The following ZNF892 variants were observed in gnomAD, a reference collection of about 807,000 sequenced individuals.
ZNF892 encodes zinc finger protein 570-like.
At chr2:95,249,699 C>T in the ZNF892 span, among the ~76,000 whole-genome samples, 1 of 151,882 alleles carries the variant, frequency 6.6e-6, no homozygotes, top group African/African-American at 2.4e-5. Flanking sequence ...TGTTCTTTTT[C>T]GTAATGTAAT....
At chr2:95,236,235 T>G in the ZNF892 span, among the ~76,000 whole-genome samples, 1 of 152,234 alleles carries the variant, frequency 6.6e-6, no homozygotes, top group Non-Finnish European at 1.5e-5. Flanking sequence ...TGCAAACAAC[T>G]ATATTGCCAT....
At chr2:95,234,064 C>G in the ZNF892 span, among the ~76,000 whole-genome samples, 1 of 152,150 alleles carries the variant, frequency 6.6e-6, no homozygotes, top group East Asian at 1.9e-4. Flanking sequence ...GCTCTTGTTG[C>G]CCAGGCTGGA....
At chr2:95,260,942 G>A in the ZNF892 span, among the ~76,000 whole-genome samples, 3 of 152,200 alleles carry the variant, frequency 2.0e-5, no homozygotes, top group Non-Finnish European at 2.9e-5. Flanking sequence ...AGGTGAGGGC[G>A]GCCTGCAGCC....
the ZNF892 span, among the ~76,000 whole-genome samples, chr2:95,229,520 A>C: frequency 2.0e-5 from 3 of 151,934 alleles, no homozygotes; most frequent in African/African-American, 7.3e-5. Context: ...CTCCTCTACT[A>C]GTTTTATCTG....
At chr2:95,229,982 C>T in the ZNF892 span, among the ~76,000 whole-genome samples, 11 of 152,018 alleles carry the variant, frequency 7.2e-5, no homozygotes, top group African/African-American at 2.7e-4. Flanking sequence ...GCAGTGGTCT[C>T]TTCATACTGG....
chr2:95,259,178 A>G, the ZNF892 span: 1 of 152,422 alleles, frequency 6.6e-6, no homozygotes, highest in African/African-American at 2.4e-5. Context: ...TTTCCGGGAA[A>G]GAAGGAAGAT....
the ZNF892 span, among the ~76,000 whole-genome samples, chr2:95,261,023 A>G: frequency 1.1e-4 from 16 of 152,220 alleles, no homozygotes; most frequent in Admixed American, 3.3e-4. Context: ...AGGGTTGTGT[A>G]CATGGAGAGG....
the ZNF892 span, among the ~76,000 whole-genome samples, chr2:95,206,392 A>T: frequency 1.3e-5 from 2 of 152,216 alleles, no homozygotes; most frequent in South Asian, 4.1e-4. Flanking sequence ...GCGGCCAAAG[A>T]GACGGCTAAA....
chr2:95,210,485 T>C, the ZNF892 span, among the ~76,000 whole-genome samples: 19 of 152,298 alleles, frequency 1.2e-4, no homozygotes, highest in African/African-American at 4.3e-4. Context: ...ATTTCAGTAT[T>C]TTAGTAAACA....
At chr2:95,248,419 A>G in the ZNF892 span, among the ~76,000 whole-genome samples, 1 of 152,204 alleles carries the variant, frequency 6.6e-6, no homozygotes, top group African/African-American at 2.4e-5. Flanking sequence ...GACAGGATCA[A>G]TCATACTCCA....
At chr2:95,236,220 A>G in the ZNF892 span, among the ~76,000 whole-genome samples, 34 of 152,184 alleles carry the variant, frequency 2.2e-4, no homozygotes, top group Admixed American at 1.4e-3. Context: ...TTCTTGTTGA[A>G]CCTATGCAAA....
At chr2:95,209,439 TTA>T in the ZNF892 span, among the ~76,000 whole-genome samples, 1 of 152,116 alleles carries the variant, frequency 6.6e-6, no homozygotes, top group Non-Finnish European at 1.5e-5. Flanking sequence ...ATGAAGGTTT[TTA>T]GAGGCCCAGC....
chr2:95,259,403 A>T, the ZNF892 span: 2 of 152,662 alleles, frequency 1.3e-5, no homozygotes, highest in Non-Finnish European at 2.9e-5. Context: ...ATCTTATTAC[A>T]TCACCATCTC....
At chr2:95,218,553 CTT>C in the ZNF892 span, among the ~76,000 whole-genome samples, 11 of 152,138 alleles carry the variant, frequency 7.2e-5, no homozygotes, top group African/African-American at 2.7e-4. Context: ...CCTCAAAACT[CTT>C]TTAGCCTCTA....
chr2:95,241,509 C>T, the ZNF892 span, among the ~76,000 whole-genome samples: 39 of 152,210 alleles, frequency 2.6e-4, no homozygotes, highest in African/African-American at 7.0e-4. Context: ...CCTCAAAGAT[C>T]GAAGGTAGCT....
the ZNF892 span, among the ~76,000 whole-genome samples, chr2:95,231,553 G>T: frequency 6.6e-6 from 1 of 152,168 alleles, no homozygotes; most frequent in Non-Finnish European, 1.5e-5. Flanking sequence ...ATATAAATAT[G>T]CGAGAGTGTG....
chr2:95,244,499 A>G, the ZNF892 span, among the ~76,000 whole-genome samples: 1 of 152,146 alleles, frequency 6.6e-6, no homozygotes, highest in Non-Finnish European at 1.5e-5. Flanking sequence ...AAGAGCTATT[A>G]TAAATATATA....
At chr2:95,220,606 G>A in the ZNF892 span, among the ~76,000 whole-genome samples, 4 of 152,122 alleles carry the variant, frequency 2.6e-5, no homozygotes, top group African/African-American at 4.8e-5. Flanking sequence ...CACCTTTCCC[G>A]TGACATCCTG....
the ZNF892 span, among the ~76,000 whole-genome samples, chr2:95,252,035 C>T: frequency 1.3e-5 from 2 of 152,142 alleles, no homozygotes; most frequent in Non-Finnish European, 2.9e-5. Context: ...AGTTCGGAGT[C>T]GCAAAGAAAA....
Sources: gnomAD v4.1 joint callset for allele counts (sites outside exome capture counted in the v4.1 genomes callset) on GRCh38, gnomAD v4.1.1 for gene constraint, MANE v1.5 for transcripts, NCBI Gene and HGNC (gene_info 2026-07-23, HGNC 2026-07-21) for gene names.